Variants in STXBP5L observed in about 807,000 individuals in gnomAD.
STXBP5L encodes the protein syntaxin binding protein 5L.
STXBP5L carries 65 observed loss-of-function variants against 144.5 expected under a neutral mutation model. The observed-to-expected ratio is 0.45, with a 90% CI of 0.37 to 0.55. The LOEUF (loss-of-function observed/expected upper bound fraction) is 0.55. STXBP5L is among the 20% of genes least tolerant of loss of function. STXBP5L has a pLI of 0.00. For missense variants in STXBP5L, 1,298 were observed against 1,405.5 expected, an observed-to-expected ratio of 0.92 and a Z score of 1.22; for synonymous variants, 505 against 469.6, an observed-to-expected ratio of 1.08 and a Z score of -0.97.
At chr3:121,337,228 A>T (rs2044538972) in intron 20 of STXBP5L, among the ~76,000 whole-genome samples, 1 of 152,174 alleles carries the variant, frequency 6.6e-6, no homozygotes. Flanking sequence ...AAATCAGCAC[A>T]TATACACCTG....
intron 10 of STXBP5L, among the ~76,000 whole-genome samples, chr3:121,208,366 G>T (rs1488045842): frequency 6.6e-6 from 1 of 151,750 alleles, no homozygotes; most frequent in Non-Finnish European, 1.5e-5. Flanking sequence ...ATAGTATTAG[G>T]AGATATATCT....
chr3:121,120,277 T>C lies in STXBP5L; in HGVS notation c.606-1364T>C, dbSNP rs2044399821. 2.0e-5 allele frequency among the ~76,000 whole-genome samples: 3 copies of C among 151,434 alleles called. No individual in the cohort carries two copies. In the South Asian group the frequency reaches 6.2e-4, roughly 31 times the overall value. The stretch of plus-strand genomic sequence containing the variant: ...AGGATAATTTAAAGACATTAAACCT[T>C]ATCAGAGGCATTTATACCTTTATAG... On this transcript the variant is annotated intron_variant, in intron 6 of 26. Transcript: ENST00000471454.
intron 7 of STXBP5L, among the ~76,000 whole-genome samples, chr3:121,130,276 G>C (rs2044918355): frequency 1.3e-5 from 2 of 152,044 alleles, no homozygotes; most frequent in African/African-American, 4.8e-5. Context: ...CTCCTGACAT[G>C]CTCCTGGGCC....
At chr3:121,313,543 G>T (rs1353774361) in intron 19 of STXBP5L, among the ~76,000 whole-genome samples, 1 of 47,638 alleles carries the variant, frequency 2.1e-5, no homozygotes, top group Non-Finnish European at 4.0e-5. Flanking sequence ...ACTCCCGGAC[G>T]GGGCGGCCGG....
chr3:120,996,316 GAT>G (rs1353823904), intron 3 of STXBP5L, among the ~76,000 whole-genome samples: 1 of 151,738 alleles, frequency 6.6e-6, no homozygotes, highest in Admixed American at 6.6e-5. Flanking sequence ...AATTTTTAGT[GAT>G]AGTTATTTTT....
chr3:121,125,213 A>G (rs1348540202), intron 7 of STXBP5L, among the ~76,000 whole-genome samples: 1 of 152,104 alleles, frequency 6.6e-6, no homozygotes, highest in East Asian at 1.9e-4. Flanking sequence ...TCACACCTGT[A>G]ATTCCAGCAC....
intron 4 of STXBP5L, among the ~76,000 whole-genome samples, chr3:121,042,621 C>G (rs1483163056): frequency 6.6e-6 from 1 of 152,134 alleles, no homozygotes; most frequent in Non-Finnish European, 1.5e-5. Flanking sequence ...TTGCATATAT[C>G]TATATCTGTT....
At chr3:120,959,775 A>C (rs905698663) in intron 3 of STXBP5L, among the ~76,000 whole-genome samples, 9 of 152,150 alleles carry the variant, frequency 5.9e-5, no homozygotes, top group South Asian at 2.1e-4. Flanking sequence ...TAAAGAATTA[A>C]ATGTTAGACC....
chr3:121,189,229 G>C (rs2047530760), intron 9 of STXBP5L, among the ~76,000 whole-genome samples: 1 of 152,148 alleles, frequency 6.6e-6, no homozygotes, highest in Non-Finnish European at 1.5e-5. Context: ...AGTTTAATTA[G>C]ATCCCATTTG....
chr3:121,198,618 G>T (rs904513032), intron 9 of STXBP5L, among the ~76,000 whole-genome samples: 1 of 152,138 alleles, frequency 6.6e-6, no homozygotes, highest in Non-Finnish European at 1.5e-5. Flanking sequence ...ATGTGTTTAG[G>T]TCTTACATTT....
chr3:120,949,498 T>C (rs867661869), intron 2 of STXBP5L, among the ~76,000 whole-genome samples: 1 of 152,118 alleles, frequency 6.6e-6, no homozygotes, highest in Non-Finnish European at 1.5e-5. Context: ...CCTAAGCCAA[T>C]GTCTAGAAGA....
chr3:120,978,420 A>T (rs1457592557), intron 3 of STXBP5L, among the ~76,000 whole-genome samples: 1 of 151,896 alleles, frequency 6.6e-6, no homozygotes, highest in East Asian at 1.9e-4. Flanking sequence ...ACTTCTCTGT[A>T]TTGGTTATTC....
rs1042622925 is a variant in STXBP5L, at chr3:121,190,302, A to G, written c.878-15621A>G. On this transcript the variant is annotated intron_variant, in intron 9 of 26. Transcript: ENST00000471454. ...TTCAAGCATCTGTTTAACAAAGCAC[A>G]TCTTGCACCGCCCTTAATCCATTTA... Among the ~76,000 whole-genome samples the G allele has an allele frequency of 2.0e-5, 3 of 152,192 alleles. No homozygotes were observed. The East Asian group carries it at 5.8e-4, about 29-fold the overall frequency.
At chr3:121,163,111 C>G (rs1234685502) in intron 9 of STXBP5L, among the ~76,000 whole-genome samples, 1 of 152,188 alleles carries the variant, frequency 6.6e-6, no homozygotes, top group African/African-American at 2.4e-5. Flanking sequence ...ACTATAAAGA[C>G]ACATGCACAT....
intron 3 of STXBP5L, among the ~76,000 whole-genome samples, chr3:120,975,483 C>T (rs1940867495): frequency 6.6e-6 from 1 of 152,224 alleles, no homozygotes; most frequent in Admixed American, 6.5e-5. Context: ...TTCATGTCAT[C>T]TGCAAACAGA....
intron 22 of STXBP5L, 89 bp from the exon 23 acceptor site, chr3:121,407,154 G>A: frequency 1.4e-6 from 2 of 1,447,692 alleles, no homozygotes; most frequent in Non-Finnish European, 9.2e-7. Flanking sequence ...GACTCTATAG[G>A]TATAAATTAT....
chr3:121,389,176 G>A (rs556749453), intron 22 of STXBP5L, among the ~76,000 whole-genome samples: 58 of 152,226 alleles, frequency 3.8e-4, no homozygotes, highest in Admixed American at 7.2e-4. Context: ...GTTTATTTGC[G>A]TAGAGGTGTT....
In STXBP5L at chr3:121,152,454, A is replaced by G. The variant is rs72966156; in HGVS notation, c.670-23A>G. On this transcript the variant is annotated intron_variant, in intron 7 of 26. Coordinates refer to ENST00000471454, the MANE Select transcript of STXBP5L (RefSeq NM_001308330.2). ...TAAAATTAATGTTAGAATTAAGAAAATGATTGTTCTAATGTTTTCCAGCTG... is the reference window on the plus strand; with the variant it reads ...TAAAATTAATGTTAGAATTAAGAAAGTGATTGTTCTAATGTTTTCCAGCTG... 4.8e-4 allele frequency: 726 copies of G among 1,521,240 alleles called. 3 individuals carry two copies. The African/African-American group carries it at 8.8e-3, about 18-fold the overall frequency. The allele number at this position is 1,521,240 out of a possible 1,614,324, so 94.2% of individuals were successfully genotyped here. A position where few individuals can be genotyped will look rare whatever the true frequency, so the allele number is the denominator to read the frequency against.
intron 5 of STXBP5L, among the ~76,000 whole-genome samples, chr3:121,079,832 A>G (rs2042176917): frequency 6.6e-6 from 1 of 152,194 alleles, no homozygotes; most frequent in Non-Finnish European, 1.5e-5. Context: ...AATATCTGTT[A>G]AGCCCATTTG....
Sources: allele counts gnomAD v4.1 joint callset (sites outside exome capture counted in the v4.1 genomes callset), GRCh38; gene constraint gnomAD v4.1.1; transcripts MANE v1.5; gene names NCBI Gene and HGNC (gene_info 2026-07-23, HGNC 2026-07-21).